The following LMO4 variants were observed in gnomAD, a reference collection of about 807,000 sequenced individuals.
LMO4 encodes the protein LIM domain transcription factor LMO4.
LMO4 carries 3 observed loss-of-function variants against 18.5 expected under a neutral mutation model. That is an observed-to-expected ratio of 0.16 (90% CI 0.07 to 0.42). The LOEUF is 0.42. Among genes scored for constraint, LMO4 ranks in the 10% least tolerant of loss-of-function variants. The pLI, the probability that LMO4 is intolerant of heterozygous loss-of-function variation, is 0.99. For missense variants in LMO4, 121 were observed against 219.9 expected, an observed-to-expected ratio of 0.55 and a Z score of 2.84; for synonymous variants, 100 against 88.1, an observed-to-expected ratio of 1.14 and a Z score of -0.76.
chr1:87,335,339 G>T (rs1650274908), intron 2 of LMO4, among the ~76,000 whole-genome samples: 1 of 152,124 alleles, frequency 6.6e-6, no homozygotes, highest in African/African-American at 2.4e-5. Flanking sequence ...GAGGAAACGC[G>T]CCGGAAGCCA....
intron 3 of LMO4, 101 bp downstream of exon 3, chr1:87,339,733 G>A: frequency 1.3e-6 from 1 of 773,548 alleles, no homozygotes; most frequent in East Asian, 2.7e-5. Context: ...GTTTTCTCAA[G>A]CTGCAGACAC....
At chr1:87,334,515 A>G (rs1650243111) in intron 2 of LMO4, among the ~76,000 whole-genome samples, 1 of 152,186 alleles carries the variant, frequency 6.6e-6, no homozygotes, top group African/African-American at 2.4e-5. Flanking sequence ...TCAATGCCGC[A>G]GGGACCGCTG....
Position 87,345,516 on chromosome 1 carries a change from A to G in LMO4, c.*720A>G, listed in dbSNP as rs1650602193. The G allele has an allele frequency of 6.6e-6, 1 of 152,122 alleles. No homozygotes were observed. 9.4% of individuals were successfully genotyped at this position (152,122 alleles called of 1,614,324 possible). The stretch of plus-strand genomic sequence containing the variant: ...GAAAAAAAAAAATCTTTTATTTGTG[A>G]TATTTTCAGAGACATTTGCTCTAGT... On this transcript the variant is annotated 3_prime_UTR_variant, in exon 5 of 5. Coordinates refer to ENST00000370544, the MANE Select transcript of LMO4 (RefSeq NM_006769.4).
intron 1 of LMO4, chr1:87,331,323 T>TA (rs1208390122): frequency 6.6e-6 from 1 of 152,198 alleles, no homozygotes; most frequent in Non-Finnish European, 1.5e-5. Flanking sequence ...CTGCTTAAAA[T>TA]ACGAAAAACC....
Position 87,348,595 on chromosome 1 carries a change from CTAGT to C in LMO4, c.*3802_*3805del, listed in dbSNP as rs1650700179. ...TAGCACATTCGCCGATGCTGGGTAC[CTAGT>C]TAAAGAGGCATTTGTAGCCCTCTGC... On this transcript the variant is annotated 3_prime_UTR_variant, in exon 5 of 5. Transcript: ENST00000370544. 3 of 433,188 alleles carry C rather than the reference CTAGT, an allele frequency of 6.9e-6. No individual in the cohort carries two copies. In the East Asian group the frequency reaches 2.1e-4, roughly 31 times the overall value. 26.8% of individuals were successfully genotyped at this position (433,188 alleles called of 1,614,324 possible).
At chr1:87,342,402 C>T (rs1487287929) in intron 4 of LMO4, among the ~76,000 whole-genome samples, 1 of 152,112 alleles carries the variant, frequency 6.6e-6, no homozygotes, top group Non-Finnish European at 1.5e-5. Flanking sequence ...TGTCTTATGC[C>T]TTTCATTGAA....
rs1650629561 is a variant in LMO4, at chr1:87,346,506, T to C, written c.*1710T>C. On this transcript the variant is annotated 3_prime_UTR_variant, in exon 5 of 5. Coordinates refer to ENST00000370544, the MANE Select transcript of LMO4 (RefSeq NM_006769.4). ...TCTTTTTTAAGATGGCATTTTATTTTGTTCCAGAAAAGCGCCTGATGTAGA... is the reference window on the plus strand; with the variant it reads ...TCTTTTTTAAGATGGCATTTTATTTCGTTCCAGAAAAGCGCCTGATGTAGA... 1 of 152,252 alleles carries C rather than the reference T, an allele frequency of 6.6e-6. No individual in the cohort carries two copies. Among genetic ancestry groups the C allele is most frequent in the African/African-American group, 2.4e-5 (1 of 41,458 alleles). 9.4% of individuals were successfully genotyped at this position (152,252 alleles called of 1,614,324 possible). A position where few individuals can be genotyped will look rare whatever the true frequency, so the allele number is the denominator to read the frequency against.
At chr1:87,341,642 C>T (rs1377226681) in intron 4 of LMO4, among the ~76,000 whole-genome samples, 3 of 152,038 alleles carry the variant, frequency 2.0e-5, no homozygotes, top group African/African-American at 7.2e-5. Flanking sequence ...TGCCCTTTTC[C>T]CTTGCTCAAG....
At position 87,339,606 on chromosome 1, in the gene LMO4, G is replaced by A; in HGVS notation, c.307G>A (p.Ala103Thr). The change falls in exon 3 of 5, where the codon GCG (alanine) becomes ACG (threonine). Residue 103 changes from alanine (A) to threonine (T), a missense_variant. Physicochemically the swap from Ala to Thr is moderately conservative, Grantham distance 58. Around this residue, in one of 4 missense-constraint regions of LMO4, gnomAD observed 62 missense variants for 128.8 expected, o/e 0.48. Transcript: ENST00000370544. Reference sequence around the variant, plus strand: ...TCCTGCGAGTGAACTCGTCATGAGGGCGCAAGGCAATGTGTATCATCTTAA... The same window carrying A: ...TCCTGCGAGTGAACTCGTCATGAGGACGCAAGGCAATGTGTATCATCTTAA... ...SIPASELVMR[A>T]QGNVYHLKCF... is the part of the protein sequence containing the mutation. 6.2e-7 allele frequency: 1 copy of A among 1,613,130 alleles called. No individual in the cohort carries two copies. The highest frequency in any genetic ancestry group is 1.3e-5 in the African/African-American group (1 of 74,986).
chr1:87,344,693 T>A (rs1650581346), intron 4 of LMO4, 95 bp from the exon 5 acceptor site: 3 of 1,198,020 alleles, frequency 2.5e-6, no homozygotes, highest in Admixed American at 1.7e-5. Context: ...AAAAGAAGAT[T>A]AGTGAATGTG....
chr1:87,341,579 T>C (rs1056881136), intron 4 of LMO4, among the ~76,000 whole-genome samples: 2 of 152,124 alleles, frequency 1.3e-5, no homozygotes, highest in Non-Finnish European at 2.9e-5. Flanking sequence ...TTGACAAATA[T>C]TTGAAAACTT....
intron 1 of LMO4, among the ~76,000 whole-genome samples, chr1:87,330,806 T>G (rs2100772591): frequency 6.6e-6 from 1 of 152,328 alleles, no homozygotes; most frequent in East Asian, 1.9e-4. Flanking sequence ...AGTAAATAAC[T>G]TGATCTTTTT....
intron 3 of LMO4, 47 bp from the exon 4 acceptor site, chr1:87,340,000 G>T (rs746877663): frequency 6.3e-7 from 1 of 1,596,100 alleles, no homozygotes; most frequent in Non-Finnish European, 8.6e-7. Flanking sequence ...ACCAAAAAAA[G>T]ACTTAATTTT....
chr1:87,331,069 C>A (rs1440661537), intron 1 of LMO4, among the ~76,000 whole-genome samples: 2 of 30,136 alleles, frequency 6.6e-5, no homozygotes, highest in African/African-American at 1.6e-4. Flanking sequence ...GCCCGCCCCC[C>A]CCCCCCCCCC....
chr1:87,336,977 A>AACACACACAC (rs543810100), intron 2 of LMO4, among the ~76,000 whole-genome samples: 6 of 151,878 alleles, frequency 4.0e-5, no homozygotes, highest in East Asian at 3.9e-4. Flanking sequence ...GTTGTGAAAA[A>AACACACACAC]ACACACACAC....
At chr1:87,331,151 AG>A (rs1650132849) in intron 1 of LMO4, 1 of 145,700 alleles carries the variant, frequency 6.9e-6, no homozygotes. Context: ...CAAAGTGGAG[AG>A]TGTTTGTATA....
chr1:87,348,548 A>C lies in LMO4; in HGVS notation c.*3752A>C. ...CAGCTACTCCCACTTGCAGAGTCTG[A>C]GATCTGACTAGCAGCAAAGTGTAGC... On this transcript the variant is annotated 3_prime_UTR_variant, in exon 5 of 5. Coordinates refer to ENST00000370544, the MANE Select transcript of LMO4 (RefSeq NM_006769.4). The C allele has an allele frequency of 2.6e-6, 1 of 386,852 alleles. No individual in the cohort carries two copies. The allele number at this position is 386,852 out of a possible 1,614,324, so 24.0% of individuals were successfully genotyped here.
intron 1 of LMO4, among the ~76,000 whole-genome samples, chr1:87,330,033 A>AGTTTTT (rs1188776731): frequency 4.0e-5 from 6 of 149,508 alleles, no homozygotes; most frequent in African/African-American, 1.5e-4. Context: ...CCAACTCTAA[A>AGTTTTT]TGAAACTTGA....
chr1:87,333,302 A>AT (rs1650204821), intron 2 of LMO4, among the ~76,000 whole-genome samples: 1 of 152,208 alleles, frequency 6.6e-6, no homozygotes, highest in African/African-American at 2.4e-5. Flanking sequence ...ACATCCAGTA[A>AT]TTAAAAAAAA....
Sources: allele counts gnomAD v4.1 joint callset (sites outside exome capture counted in the v4.1 genomes callset), GRCh38; gene constraint gnomAD v4.1.1; regional missense constraint gnomAD v4.1.1; transcripts MANE v1.5; gene names NCBI Gene and HGNC (gene_info 2026-07-23, HGNC 2026-07-21).